The following HS3ST5 variants were observed in gnomAD, a reference collection of about 807,000 sequenced individuals.
The protein encoded by HS3ST5 is heparan sulfate glucosamine 3-O-sulfotransferase 5.
HS3ST5 carries 10 observed loss-of-function variants against 25.4 expected under a neutral mutation model. The observed-to-expected ratio is 0.39, with a 90% CI of 0.24 to 0.67. HS3ST5 has a LOEUF of 0.67. HS3ST5 is among the 30% of genes least tolerant of loss of function. HS3ST5 has a pLI of 0.44. For missense variants in HS3ST5, 324 were observed against 420.7 expected (o/e 0.77, Z 2.01); for synonymous variants, 170 against 162.4 (o/e 1.05, Z -0.36).
chr6:114,081,204 G>A (rs1053374283), intron 3 of HS3ST5, among the ~76,000 whole-genome samples: 4 of 152,224 alleles, frequency 2.6e-5, no homozygotes, highest in African/African-American at 9.6e-5. Context: ...AAAGATCACT[G>A]ATCACAGATC....
At chr6:114,269,149 C>T (rs573933730) in intron 1 of HS3ST5, among the ~76,000 whole-genome samples, 3 of 152,220 alleles carry the variant, frequency 2.0e-5, no homozygotes, top group South Asian at 4.1e-4. Context: ...GTGTCAAGCA[C>T]GGTATTAGGC....
intron 1 of HS3ST5, among the ~76,000 whole-genome samples, chr6:114,292,466 A>ACC (rs1245772911): frequency 1.3e-5 from 2 of 152,180 alleles, no homozygotes; most frequent in Non-Finnish European, 2.9e-5. Flanking sequence ...CACCTCCCAA[A>ACC]AGTCCCCACT....
At chr6:114,074,044 G>A (rs995914689) in intron 3 of HS3ST5, among the ~76,000 whole-genome samples, 1 of 152,006 alleles carries the variant, frequency 6.6e-6, no homozygotes, top group African/African-American at 2.4e-5. Flanking sequence ...ATAGCACAAG[G>A]TCAGAGAACC....
chr6:114,136,159 C>A (rs746288261), intron 3 of HS3ST5, among the ~76,000 whole-genome samples: 1 of 152,162 alleles, frequency 6.6e-6, no homozygotes, highest in Non-Finnish European at 1.5e-5. Flanking sequence ...GGCTACATCC[C>A]CCTTTGATAT....
At chr6:114,118,199 T>G (rs1334526282) in intron 3 of HS3ST5, among the ~76,000 whole-genome samples, 2 of 152,112 alleles carry the variant, frequency 1.3e-5, no homozygotes, top group Non-Finnish European at 2.9e-5. Flanking sequence ...GAGGTACCAT[T>G]GAGATTCTGA....
intron 2 of HS3ST5, among the ~76,000 whole-genome samples, chr6:114,207,782 T>C (rs559004832): frequency 2.4e-4 from 37 of 152,322 alleles, no homozygotes; most frequent in Admixed American, 8.5e-4. Context: ...CTATCTATAG[T>C]ACTATTATAC....
intron 2 of HS3ST5, among the ~76,000 whole-genome samples, chr6:114,217,733 G>A (rs1781838061): frequency 6.6e-6 from 1 of 152,178 alleles, no homozygotes; most frequent in African/African-American, 2.4e-5. Flanking sequence ...GGTGTCCAAG[G>A]TCACGCAGCT....
intron 1 of HS3ST5, among the ~76,000 whole-genome samples, chr6:114,284,227 A>C (rs1774242349): frequency 6.6e-6 from 1 of 151,968 alleles, no homozygotes; most frequent in South Asian, 2.1e-4. Context: ...TTTTGGCTTC[A>C]TTTTTCACAT....
At chr6:114,322,397 G>A (rs1029732688) in intron 1 of HS3ST5, among the ~76,000 whole-genome samples, 1 of 151,968 alleles carries the variant, frequency 6.6e-6, no homozygotes, top group Admixed American at 6.6e-5. Context: ...AGAGACAGGT[G>A]GGCCTGCTTT....
chr6:114,217,255 C>A (rs1357353423), intron 2 of HS3ST5, among the ~76,000 whole-genome samples: 1 of 152,180 alleles, frequency 6.6e-6, no homozygotes, highest in Non-Finnish European at 1.5e-5. Context: ...CTTGCCAGAT[C>A]TTTTATGTGG....
chr6:114,324,724 A>G (rs938178215), intron 1 of HS3ST5, among the ~76,000 whole-genome samples: 6 of 152,230 alleles, frequency 3.9e-5, no homozygotes, highest in African/African-American at 1.2e-4. Context: ...CCATCACTGT[A>G]TAGTGGTGTT....
chr6:114,083,072 T>G (rs879681931), intron 3 of HS3ST5, among the ~76,000 whole-genome samples: 12 of 152,240 alleles, frequency 7.9e-5, no homozygotes, highest in African/African-American at 2.9e-4. Flanking sequence ...CTATTTCTTT[T>G]GCAGCACGGA....
intron 3 of HS3ST5, among the ~76,000 whole-genome samples, chr6:114,093,357 G>T (rs73769048): frequency 3.8e-4 from 10 of 26,586 alleles, no homozygotes; most frequent in East Asian, 1.1e-3. Context: ...GTTTGTTTGT[G>T]TGTGTGTGTG....
chr6:114,102,073 G>A (rs1375391919), intron 3 of HS3ST5, among the ~76,000 whole-genome samples: 1 of 152,150 alleles, frequency 6.6e-6, no homozygotes. Flanking sequence ...GGAGAAGGGT[G>A]AGGATCTAAA....
chr6:114,318,034 C>T (rs1297005611), intron 1 of HS3ST5, among the ~76,000 whole-genome samples: 1 of 152,172 alleles, frequency 6.6e-6, no homozygotes, highest in East Asian at 1.9e-4. Flanking sequence ...CTTACGCATA[C>T]AACTGGCGAG....
At chr6:114,098,441 T>C (rs1480704982) in intron 3 of HS3ST5, among the ~76,000 whole-genome samples, 1 of 149,754 alleles carries the variant, frequency 6.7e-6, no homozygotes, top group Non-Finnish European at 1.5e-5. Context: ...TAAATTAATA[T>C]TGTCTATATT....
At chr6:114,088,524 T>A (rs938398771) in intron 3 of HS3ST5, among the ~76,000 whole-genome samples, 1 of 152,134 alleles carries the variant, frequency 6.6e-6, no homozygotes, top group African/African-American at 2.4e-5. Flanking sequence ...AAGGAAGGAT[T>A]CTGATGTGTA....
At chr6:114,142,480 G>T (rs1331593250) in intron 3 of HS3ST5, among the ~76,000 whole-genome samples, 1 of 152,196 alleles carries the variant, frequency 6.6e-6, no homozygotes, top group African/African-American at 2.4e-5. Flanking sequence ...GCGTGGCTGG[G>T]AGAAAGGAGG....
At chr6:114,064,414 T>C (rs1433840837) in intron 3 of HS3ST5, among the ~76,000 whole-genome samples, 2 of 152,136 alleles carry the variant, frequency 1.3e-5, no homozygotes, top group African/African-American at 2.4e-5. Flanking sequence ...CCAATTATGA[T>C]AATGTATGAA....
Sources: gnomAD v4.1 joint callset for allele counts (sites outside exome capture counted in the v4.1 genomes callset) on GRCh38, gnomAD v4.1.1 for gene constraint, MANE v1.5 for transcripts, NCBI Gene and HGNC (gene_info 2026-07-23, HGNC 2026-07-21) for gene names.